The following TMEM178B variants were observed in gnomAD, a reference collection of about 807,000 sequenced individuals.
TMEM178B encodes transmembrane protein 178B.
TMEM178B carries 5 observed loss-of-function variants against 31.0 expected under a neutral mutation model. That is an observed-to-expected ratio of 0.16 (90% CI 0.08 to 0.34). The LOEUF (loss-of-function observed/expected upper bound fraction) is 0.34, where lower values mean the gene tolerates loss of function less well. Ranked by LOEUF, TMEM178B falls within the 10% of genes least tolerant of loss-of-function variation. The probability of loss-of-function intolerance (pLI) is 1.00; values close to 1 mark genes in which losing one functional copy is unlikely to be tolerated. For missense variants in TMEM178B, 275 were observed against 400.3 expected (o/e 0.69, Z 2.67); for synonymous variants, 164 against 164.0 (o/e 1.00, Z 0.00).
chr7:141,296,572 A>T lies in TMEM178B; in HGVS notation c.496+83868A>T, dbSNP rs116791717. On this transcript the variant is annotated intron_variant, in intron 2 of 3. Coordinates refer to ENST00000565468, the MANE Select transcript of TMEM178B (RefSeq NM_001195278.2). ...AAGACAGCCAGCTCTCTGAGGGAAC[A>T]CAGATTTATTTTAATCGAGTCTTAG... Among the ~76,000 whole-genome samples the T allele has an allele frequency of 4.0e-3, 609 of 152,326 alleles. 6 individuals carry two copies. The highest frequency in any genetic ancestry group is 0.014 in the African/African-American group (585 of 41,570).
At chr7:141,151,977 G>A (rs1378191085) in intron 1 of TMEM178B, among the ~76,000 whole-genome samples, 1 of 152,298 alleles carries the variant, frequency 6.6e-6, no homozygotes, top group Admixed American at 6.5e-5. Context: ...GTGCTACAGT[G>A]GGGGCAGTAA....
intron 2 of TMEM178B, among the ~76,000 whole-genome samples, chr7:141,271,753 T>C (rs1385514457): frequency 1.3e-5 from 2 of 152,214 alleles, no homozygotes; most frequent in East Asian, 3.9e-4. Context: ...TTTCCCTTAG[T>C]TCCAAGTATG....
At chr7:141,336,929 A>C (rs1586899393) in intron 2 of TMEM178B, among the ~76,000 whole-genome samples, 2 of 134,660 alleles carry the variant, frequency 1.5e-5, no homozygotes, top group Admixed American at 7.4e-5. Context: ...CACCACCACC[A>C]CCATCACCAC....
chr7:141,098,669 C>A (rs1459429367), intron 1 of TMEM178B, among the ~76,000 whole-genome samples: 2 of 152,324 alleles, frequency 1.3e-5, no homozygotes, highest in South Asian at 2.1e-4. Flanking sequence ...TGAGTGAGTT[C>A]ATACAAGTAA....
At chr7:141,220,565 A>G (rs1377671919) in intron 2 of TMEM178B, among the ~76,000 whole-genome samples, 1 of 152,104 alleles carries the variant, frequency 6.6e-6, no homozygotes, top group Non-Finnish European at 1.5e-5. Context: ...GAGGGAGTAC[A>G]GTACAGCCTT....
the TMEM178B span, among the ~76,000 whole-genome samples, chr7:141,485,534 C>T: frequency 2.6e-5 from 4 of 152,142 alleles, no homozygotes; most frequent in African/African-American, 4.8e-5. Context: ...TAGTAGATAC[C>T]ATATAAGTAT....
chr7:141,202,344 G>C (rs903529680), intron 1 of TMEM178B, among the ~76,000 whole-genome samples: 34 of 139,588 alleles, frequency 2.4e-4, no homozygotes, highest in African/African-American at 8.3e-4. Flanking sequence ...GCAAGGTAAG[G>C]GGGTCAGAAA....
At chr7:141,083,976 C>T (rs532534299) in intron 1 of TMEM178B, among the ~76,000 whole-genome samples, 6 of 151,812 alleles carry the variant, frequency 4.0e-5, no homozygotes, top group East Asian at 1.9e-4. Context: ...GGCTAATTTT[C>T]GTATTTTTAG....
At chr7:141,373,711 G>C (rs1228889611) in intron 2 of TMEM178B, among the ~76,000 whole-genome samples, 1 of 152,222 alleles carries the variant, frequency 6.6e-6, no homozygotes, top group Non-Finnish European at 1.5e-5. Flanking sequence ...GGGTGAGGCA[G>C]CCTCCACTGA....
At chr7:141,454,963 G>A (rs977688107) in intron 3 of TMEM178B, among the ~76,000 whole-genome samples, 3 of 151,830 alleles carry the variant, frequency 2.0e-5, no homozygotes, top group Non-Finnish European at 4.4e-5. Flanking sequence ...CATTCCCAAG[G>A]CAGAGGGCTT....
chr7:141,453,066 A>T (rs1181776), intron 3 of TMEM178B, among the ~76,000 whole-genome samples: 123,002 of 152,230 alleles, frequency 0.81, 49,847 homozygotes, highest in African/African-American at 0.86. Context: ...CAACTTACAG[A>T]TAGCGTCTTC....
chr7:141,164,708 T>C (rs1471483736), intron 1 of TMEM178B, among the ~76,000 whole-genome samples: 1 of 152,210 alleles, frequency 6.6e-6, no homozygotes, highest in Non-Finnish European at 1.5e-5. Flanking sequence ...AAGTGGCTTA[T>C]AGAAGTTACA....
chr7:141,446,490 A>C (rs1261156569), intron 3 of TMEM178B, among the ~76,000 whole-genome samples: 1 of 152,202 alleles, frequency 6.6e-6, no homozygotes, highest in African/African-American at 2.4e-5. Context: ...ATGGTTGGTG[A>C]AGGCATCTCA....
At chr7:141,391,591 A>G (rs1481730176) in intron 2 of TMEM178B, among the ~76,000 whole-genome samples, 2 of 152,196 alleles carry the variant, frequency 1.3e-5, no homozygotes, top group Admixed American at 1.3e-4. Flanking sequence ...GGTCTTAAGC[A>G]CATTCACATT....
chr7:141,278,914 G>A (rs530654560), intron 2 of TMEM178B, among the ~76,000 whole-genome samples: 29 of 152,308 alleles, frequency 1.9e-4, no homozygotes, highest in African/African-American at 7.0e-4. Context: ...TGGGACCCAA[G>A]TAAGGAAAAT....
chr7:141,076,926 A>G (rs79587893), intron 1 of TMEM178B, among the ~76,000 whole-genome samples: 287 of 152,342 alleles, frequency 1.9e-3, no homozygotes, highest in Middle Eastern at 6.8e-3. Flanking sequence ...GATAGATGAC[A>G]TGCCAGCCTT....
intron 3 of TMEM178B, among the ~76,000 whole-genome samples, chr7:141,455,386 G>A (rs1266616856): frequency 1.3e-5 from 2 of 152,218 alleles, no homozygotes; most frequent in African/African-American, 4.8e-5. Context: ...TCACCAGCTA[G>A]TTGATGAATC....
At chr7:141,468,662 CTG>C (rs1347098749) in intron 3 of TMEM178B, among the ~76,000 whole-genome samples, 2 of 152,170 alleles carry the variant, frequency 1.3e-5, no homozygotes, top group Non-Finnish European at 2.9e-5. Flanking sequence ...GTGTCACTGT[CTG>C]GGGTAATTAT....
At chr7:141,301,501 A>C (rs2116441885) in intron 2 of TMEM178B, among the ~76,000 whole-genome samples, 1 of 152,286 alleles carries the variant, frequency 6.6e-6, no homozygotes, top group Non-Finnish European at 1.5e-5. Flanking sequence ...AGTAATCAAA[A>C]CCAGCAACAT....
Sources: allele counts gnomAD v4.1 joint callset (sites outside exome capture counted in the v4.1 genomes callset), GRCh38; gene constraint gnomAD v4.1.1; transcripts MANE v1.5; gene names NCBI Gene and HGNC (gene_info 2026-07-23, HGNC 2026-07-21).